The following ABR variants were observed in gnomAD, a reference collection of about 807,000 sequenced individuals.
ABR encodes the protein active breakpoint cluster region-related protein.
ABR carries 35 observed loss-of-function variants against 107.2 expected under a neutral mutation model. That is an observed-to-expected ratio of 0.33 (90% confidence interval 0.25 to 0.43). The LOEUF (loss-of-function observed/expected upper bound fraction) is 0.43, where lower values mean the gene tolerates loss of function less well. Ranked by LOEUF, ABR falls within the 20% of genes least tolerant of loss-of-function variation. ABR has a pLI of 1.00. For missense variants in ABR, 815 were observed against 1,115.2 expected, an observed-to-expected ratio of 0.73 and a Z score of 3.83; for synonymous variants, 498 against 462.0, an observed-to-expected ratio of 1.08 and a Z score of -1.00.
intron 1 of ABR, among the ~76,000 whole-genome samples, chr17:1,203,280 GCA>G (rs2042706405): frequency 6.6e-6 from 1 of 151,622 alleles, no homozygotes; most frequent in Admixed American, 6.6e-5. Context: ...AGGCTCCCGC[GCA>G]GTCCTCAGGG....
In ABR at chr17:1,010,483, G is replaced by A. The variant is rs1177121371; in HGVS notation, c.2236+246C>T. ...CAAGCAAGAGGCCAACGTCCAAATA[G>A]GAAGCAGAAGGGGCTGCCCATGGGG... On this transcript the variant is annotated intron_variant, in intron 20 of 22. Transcript: ENST00000302538. The surrounding 1 kb of genome is among the most constrained non-coding windows in gnomAD (Gnocchi z 4.1). The A allele has an allele frequency of 5.6e-6, 3 of 534,880 alleles. No homozygotes were observed. Among genetic ancestry groups the A allele is most frequent in the Non-Finnish European group, 1.0e-5 (3 of 300,624 alleles). 33.1% of individuals were successfully genotyped at this position (534,880 alleles called of 1,614,324 possible).
rs1247546406 is a variant in ABR, at chr17:1,007,154, T to C, written c.2490+11A>G. The C allele has an allele frequency of 1.2e-6, 2 of 1,606,356 alleles. No homozygotes were observed. Among genetic ancestry groups the C allele is most frequent in the Non-Finnish European group, 1.7e-6 (2 of 1,177,288 alleles). ...CTCCGCCAGCCACGGGCCCGGGCGG[T>C]GCCAGGGTACCTGCGCCATGACGTC... On this transcript the variant is annotated intron_variant, in intron 22 of 22. Transcript: ENST00000302538.
intron 2 of ABR, among the ~76,000 whole-genome samples, chr17:1,114,775 A>T (rs1234183227): frequency 6.6e-6 from 1 of 152,060 alleles, no homozygotes; most frequent in African/African-American, 2.4e-5. Context: ...TCCGTCTCAA[A>T]AAAAAAAAGC....
intron 16 of ABR, among the ~76,000 whole-genome samples, chr17:1,029,316 C>CT (rs1238804433): frequency 1.3e-5 from 2 of 152,056 alleles, no homozygotes; most frequent in African/African-American, 4.8e-5. Context: ...CAGGGACCCC[C>CT]GCTGGTACCC....
chr17:1,100,617 A>G lies in ABR; in HGVS notation c.345+20T>C, dbSNP rs374063797. On this transcript the variant is annotated intron_variant, in intron 3 of 22. Coordinates refer to ENST00000302538, the MANE Select transcript of ABR (RefSeq NM_021962.5). ...ACGGGCGGGGGGACCGGAAGGCCCC[A>G]GAGCAGGGACTGTACTCACCAGCAA... 35 of 1,611,654 alleles carry G rather than the reference A, an allele frequency of 2.2e-5. No individual in the cohort carries two copies. The highest frequency in any genetic ancestry group is 2.8e-5 in the Non-Finnish European group (33 of 1,178,050).
Position 1,130,158 on chromosome 17 carries a change from T to G in ABR, c.62-4791A>C, listed in dbSNP as rs115731958. ...ATAAAATGGTGGTGGTGGCAGGGAC[T>G]GGTACTCGCCAGCTTCCATCAACCT... On this transcript the variant is annotated intron_variant, in intron 1 of 22. Transcript: ENST00000302538. 7.8e-3 allele frequency among the ~76,000 whole-genome samples: 1,193 copies of G among 152,242 alleles called. 20 individuals carry two copies. Among genetic ancestry groups the G allele is most frequent in the African/African-American group, 0.027 (1,139 of 41,534 alleles).
rs1170734269 is a variant in ABR, at chr17:1,179,471, TCCCGACCCCGATCCCGATTCCCAA to T, written c.61+172_61+195del. On this transcript the variant is annotated intron_variant, in intron 1 of 22. Coordinates refer to ENST00000302538, the MANE Select transcript of ABR (RefSeq NM_021962.5). This position sits in a 1 kb window ranked among gnomAD's most constrained non-coding sequence, Gnocchi z 4.9. ...CCCCCAGACCAGCCCGGCTCCTGGG[TCCCGACCCCGATCCCGATTCCCAA>T]CCCGACCCCGATCCGGACCCCGATC... Among the ~76,000 whole-genome samples the T allele has an allele frequency of 1.3e-5, 2 of 148,484 alleles. No individual in the cohort carries two copies. Among genetic ancestry groups the T allele is most frequent in the Admixed American group, 6.7e-5 (1 of 14,994 alleles).
At chr17:1,088,890 C>G (rs938582086) in intron 4 of ABR, among the ~76,000 whole-genome samples, 7 of 132,142 alleles carry the variant, frequency 5.3e-5, no homozygotes, top group African/African-American at 1.9e-4. Context: ...CTGTGCCCAG[C>G]CATTTTTTTT....
chr17:1,181,684 A>G (rs1471271873), upstream of ABR, among the ~76,000 whole-genome samples: 1 of 152,150 alleles, frequency 6.6e-6, no homozygotes, highest in Non-Finnish European at 1.5e-5. Flanking sequence ...AGGCCGGAGG[A>G]GCCATGAGGG....
intron 2 of ABR, among the ~76,000 whole-genome samples, chr17:1,110,134 C>T (rs563325559): frequency 2.0e-5 from 3 of 151,706 alleles, no homozygotes; most frequent in Admixed American, 1.3e-4. Flanking sequence ...GCACCATCTC[C>T]GGCCCTGCCC....
At chr17:1,164,309 A>G (rs2041417285) in intron 1 of ABR, among the ~76,000 whole-genome samples, 1 of 150,170 alleles carries the variant, frequency 6.7e-6, no homozygotes, top group Admixed American at 6.6e-5. Flanking sequence ...GGGACCCCAG[A>G]TAAACTGCAA....
At chr17:1,175,089 G>A (rs2041871487) in intron 1 of ABR, among the ~76,000 whole-genome samples, 1 of 152,176 alleles carries the variant, frequency 6.6e-6, no homozygotes, top group African/African-American at 2.4e-5. Context: ...TTAGCAGAAA[G>A]GGTGATTAAA....
intron 1 of ABR, among the ~76,000 whole-genome samples, chr17:1,173,662 G>C (rs1303106775): frequency 1.3e-5 from 2 of 152,116 alleles, no homozygotes; most frequent in Non-Finnish European, 2.9e-5. Flanking sequence ...AGGGGTTTCT[G>C]CTGCGGGGAG....
intron 1 of ABR, among the ~76,000 whole-genome samples, chr17:1,160,618 C>A (rs1349903976): frequency 6.6e-6 from 1 of 152,198 alleles, no homozygotes; most frequent in East Asian, 1.9e-4. Context: ...GCAAACAGAC[C>A]AAATGTCTGC....
At chr17:1,018,296 C>A (rs567823648) in intron 16 of ABR, among the ~76,000 whole-genome samples, 2 of 152,320 alleles carry the variant, frequency 1.3e-5, no homozygotes, top group Non-Finnish European at 2.9e-5. Flanking sequence ...CCCACCTCGG[C>A]CTCCCAAAGT....
At chr17:1,170,325 G>T (rs908843098) in intron 1 of ABR, among the ~76,000 whole-genome samples, 2 of 152,220 alleles carry the variant, frequency 1.3e-5, no homozygotes, top group Non-Finnish European at 2.9e-5. Flanking sequence ...CAGCACCGCT[G>T]TGAAGGGTAA....
At chr17:1,038,510 C>T (rs975818858) in intron 16 of ABR, among the ~76,000 whole-genome samples, 8 of 152,302 alleles carry the variant, frequency 5.3e-5, no homozygotes, top group African/African-American at 1.2e-4. Context: ...CGTCTCCAGC[C>T]GCGCTAGGGT....
intron 2 of ABR, among the ~76,000 whole-genome samples, chr17:1,103,225 G>C (rs895447720): frequency 6.6e-6 from 1 of 152,086 alleles, no homozygotes; most frequent in Non-Finnish European, 1.5e-5. Context: ...CCTGGCAGGT[G>C]TTATCATCTT....
chr17:1,079,389 TC>T lies in ABR; in HGVS notation c.640del (p.Glu214AsnfsTer4). The T allele has an allele frequency of 6.2e-7, 1 of 1,613,070 alleles. No homozygotes were observed. ...SNNQFQKISE[E>X]LKVKGPKDSK... Reference sequence around the variant, plus strand: ...GTCCTTGGGACCTTTCACTTTGAGTTCCTGCCAAAGGGAGGAGAGGAGTCAT... The same window carrying T: ...GTCCTTGGGACCTTTCACTTTGAGTTCTGCCAAAGGGAGGAGAGGAGTCAT... On this transcript the variant is annotated frameshift_variant and splice_region_variant, in exon 6 of 23. Transcript: ENST00000302538. LOFTEE classifies it high-confidence loss of function.
Sources: allele counts gnomAD v4.1 joint callset (sites outside exome capture counted in the v4.1 genomes callset), GRCh38; gene constraint gnomAD v4.1.1; non-coding constraint Gnocchi (gnomAD v3.1); transcripts MANE v1.5; gene names NCBI Gene and HGNC (gene_info 2026-07-23, HGNC 2026-07-21).